Variants in CUL4A observed in about 807,000 individuals in gnomAD.
CUL4A encodes the protein cullin 4A, also known as cullin-4A.
A neutral mutation model predicts 95.5 loss-of-function variants in CUL4A; 16 were observed. The observed-to-expected ratio is 0.17, with a 90% CI of 0.11 to 0.25. The LOEUF (loss-of-function observed/expected upper bound fraction) is 0.25, where lower values mean the gene tolerates loss of function less well. Among genes scored for constraint, CUL4A ranks in the 10% least tolerant of loss-of-function variants. The pLI is 1.00. For missense variants in CUL4A, 610 were observed against 937.0 expected (o/e 0.65, Z 4.56); for synonymous variants, 380 against 353.1 (o/e 1.08, Z -0.85).
Position 113,251,504 on chromosome 13 carries a change from C to A in CUL4A, c.1639-1578C>A, listed in dbSNP as rs117639448. Reference sequence around the variant, plus strand: ...TTTGGATTTGTGTTCCTGCCCAAATCTCATATTGAATTGTAATCACCACTG... The same window carrying A: ...TTTGGATTTGTGTTCCTGCCCAAATATCATATTGAATTGTAATCACCACTG... On this transcript the variant is annotated intron_variant, in intron 15 of 19. Coordinates refer to ENST00000375440, the MANE Select transcript of CUL4A (RefSeq NM_001008895.4). Among the ~76,000 whole-genome samples the A allele has an allele frequency of 1.2e-3, 184 of 148,480 alleles. 1 individual carries two copies. Among genetic ancestry groups the A allele is most frequent in the Middle Eastern group, 6.8e-3 (2 of 294 alleles).
intron 7 of CUL4A, among the ~76,000 whole-genome samples, chr13:113,234,657 A>C (rs546121465): frequency 2.1e-4 from 32 of 152,248 alleles, no homozygotes; most frequent in Admixed American, 2.1e-3. Context: ...GTGTCCCCCA[A>C]ATGAACAACC....
chr13:113,208,409 G>C (rs935784783), upstream of CUL4A: 12 of 1,480,706 alleles, frequency 8.1e-6, no homozygotes, highest in Admixed American at 2.2e-5. Flanking sequence ...CCCTGCAGGG[G>C]AGAACTCGGG....
chr13:113,241,939 A>G (rs1405721227), intron 10 of CUL4A, among the ~76,000 whole-genome samples: 1 of 152,172 alleles, frequency 6.6e-6, no homozygotes, highest in Non-Finnish European at 1.5e-5. Context: ...TTCGGCATAT[A>G]TAGTTTATAT....
At chr13:113,225,581 A>G (rs1458065751) in intron 3 of CUL4A, among the ~76,000 whole-genome samples, 2 of 152,226 alleles carry the variant, frequency 1.3e-5, no homozygotes, top group East Asian at 3.8e-4. Context: ...TGTCAGATTG[A>G]CTGGTGTCAG....
At chr13:113,252,120 C>T (rs1349350050) in intron 15 of CUL4A, among the ~76,000 whole-genome samples, 1 of 152,212 alleles carries the variant, frequency 6.6e-6, no homozygotes, top group Non-Finnish European at 1.5e-5. Flanking sequence ...CACACACAGC[C>T]TGCCCCTGAG....
chr13:113,262,013 C>T (rs139348650), intron 19 of CUL4A, among the ~76,000 whole-genome samples: 3 of 152,274 alleles, frequency 2.0e-5, no homozygotes, highest in African/African-American at 7.2e-5. Context: ...CTCCTGACCT[C>T]GTGATCCGCC....
chr13:113,226,890 C>A (rs1038680190), intron 3 of CUL4A, among the ~76,000 whole-genome samples: 6 of 151,992 alleles, frequency 3.9e-5, no homozygotes, highest in African/African-American at 1.4e-4. Flanking sequence ...TGACTCTTAC[C>A]AGGCCAGTCA....
intron 11 of CUL4A, among the ~76,000 whole-genome samples, chr13:113,243,527 A>G (rs151269233): frequency 1.1e-3 from 171 of 152,156 alleles, no homozygotes; most frequent in African/African-American, 3.9e-3. Flanking sequence ...AAGCTGTACA[A>G]TTTTTTCACA....
At chr13:113,224,879 G>C (rs2139142365) in intron 3 of CUL4A, among the ~76,000 whole-genome samples, 1 of 152,346 alleles carries the variant, frequency 6.6e-6, no homozygotes, top group Non-Finnish European at 1.5e-5. Context: ...GGATGAATGA[G>C]GGTCGGCCTA....
intron 8 of CUL4A, among the ~76,000 whole-genome samples, chr13:113,236,481 C>G (rs1171093079): frequency 2.0e-5 from 3 of 152,188 alleles, no homozygotes; most frequent in Admixed American, 1.3e-4. Context: ...TGCCCTTCTC[C>G]GTAAGATGGT....
At chr13:113,240,188 C>G (rs985607845) in intron 10 of CUL4A, among the ~76,000 whole-genome samples, 9 of 152,080 alleles carry the variant, frequency 5.9e-5, no homozygotes, top group African/African-American at 2.2e-4. Flanking sequence ...GGGCACCACC[C>G]CACCAAGGGG....
chr13:113,226,915 C>A (rs1030495669), intron 3 of CUL4A, among the ~76,000 whole-genome samples: 5 of 152,158 alleles, frequency 3.3e-5, no homozygotes, highest in African/African-American at 1.2e-4. Context: ...CTCCAGGAGC[C>A]CCCCTGTGGG....
At chr13:113,227,392 T>TG (rs1289353723) in intron 3 of CUL4A, among the ~76,000 whole-genome samples, 1 of 152,206 alleles carries the variant, frequency 6.6e-6, no homozygotes, top group Non-Finnish European at 1.5e-5. Flanking sequence ...GGGAGCTCTC[T>TG]GGGGTCTCTT....
chr13:113,234,502 G>A (rs568175743), intron 7 of CUL4A, among the ~76,000 whole-genome samples: 2 of 152,292 alleles, frequency 1.3e-5, no homozygotes, highest in South Asian at 2.1e-4. Flanking sequence ...CTTAGCCATT[G>A]GTTCCTTCAT....
intron 5 of CUL4A, among the ~76,000 whole-genome samples, chr13:113,232,081 C>T (rs1175599995): frequency 1.5e-5 from 2 of 137,560 alleles, no homozygotes; most frequent in African/African-American, 5.8e-5. Flanking sequence ...CCACTACCCG[C>T]CCACCACCAT....
chr13:113,218,879 T>C, intron 2 of CUL4A, 66 bp from the exon 3 acceptor site: 1 of 1,100,592 alleles, frequency 9.1e-7, no homozygotes, highest in South Asian at 1.4e-5. Context: ...ATGTTAACAA[T>C]AGGGTTTTTT....
chr13:113,236,665 G>A (rs1042844199), intron 8 of CUL4A, among the ~76,000 whole-genome samples, 158 bp from the exon 9 acceptor site: 5 of 152,168 alleles, frequency 3.3e-5, no homozygotes, highest in African/African-American at 1.2e-4. Context: ...ATTAGCAACA[G>A]GAGTCGTCGT....
At chr13:113,242,379 C>T (rs2084732605) in intron 10 of CUL4A, among the ~76,000 whole-genome samples, 1 of 152,154 alleles carries the variant, frequency 6.6e-6, no homozygotes, top group Admixed American at 6.5e-5. Context: ...TAGGAATTAA[C>T]TTGTCTTGGA....
intron 1 of CUL4A, 21 bp from the exon 2 acceptor site, chr13:113,209,952 C>G (rs2040309780): frequency 6.8e-7 from 1 of 1,479,660 alleles, no homozygotes. Flanking sequence ...CTGAGCCGCC[C>G]GCTCTCCCTC....
Sources: allele counts gnomAD v4.1 joint callset (sites outside exome capture counted in the v4.1 genomes callset), GRCh38; gene constraint gnomAD v4.1.1; transcripts MANE v1.5; gene names NCBI Gene and HGNC (gene_info 2026-07-23, HGNC 2026-07-21).